CFAP61: variants seen among roughly 807,000 people sequenced by gnomAD.
CFAP61 encodes cilia and flagella associated protein 61.
CFAP61 carries 107 observed loss-of-function variants against 135.6 expected under a neutral mutation model. The ratio of observed to expected loss-of-function variants is 0.79; its 90% CI spans 0.67 to 0.93. The LOEUF (loss-of-function observed/expected upper bound fraction) is 0.93, where lower values mean the gene tolerates loss of function less well. CFAP61 is among the 40% of genes least tolerant of loss of function. CFAP61 has a pLI of 0.00. For synonymous variants in CFAP61, 575 were observed against 578.5 expected, an observed-to-expected ratio of 0.99 and a Z score of 0.09; for missense variants, 1,507 against 1,556.2, an observed-to-expected ratio of 0.97 and a Z score of 0.53.
At chr20:20,200,045 C>A in intron 17 of CFAP61, 143 bp downstream of exon 17, 6 of 968,096 alleles carry the variant, frequency 6.2e-6, no homozygotes, top group Non-Finnish European at 9.1e-6. Flanking sequence ...GGCGGAGCCC[C>A]GCGAAGGCTC....
intron 8 of CFAP61, among the ~76,000 whole-genome samples, chr20:20,102,465 G>A (rs1446361059): frequency 6.6e-6 from 1 of 152,156 alleles, no homozygotes; most frequent in African/African-American, 2.4e-5. Context: ...TAGTAATCTG[G>A]GTGATAACAC....
intron 25 of CFAP61, among the ~76,000 whole-genome samples, chr20:20,331,337 T>C (rs2057983793): frequency 2.0e-5 from 3 of 152,046 alleles, no homozygotes; most frequent in African/African-American, 7.2e-5. Flanking sequence ...TCATGCTTGA[T>C]TTTTGGAAAC....
chr20:20,052,903 G>T (rs2043867816), intron 1 of CFAP61: 1 of 586,222 alleles, frequency 1.7e-6, no homozygotes, highest in South Asian at 2.2e-5. Flanking sequence ...TCTGGTTTCG[G>T]GACAGTTGTG....
At chr20:20,277,534 A>T (rs2053865461) in intron 22 of CFAP61, 76 bp downstream of exon 22, 13 of 1,448,542 alleles carry the variant, frequency 9.0e-6, no homozygotes, top group South Asian at 8.1e-5. Context: ...GGTCTGGAAG[A>T]TTGCGGGCAG....
rs112467055 is a variant in CFAP61 at position 20,359,693 on chromosome 20, A to AACAACC, written c.3514-513_3514-512insCCACAA. Among the ~76,000 whole-genome samples the AACAACC allele has an allele frequency of 0.82, 125,028 of 152,008 alleles. 53,336 individuals carry two copies. The highest frequency in any genetic ancestry group is 0.95 in the Non-Finnish European group (64,397 of 67,970). On this transcript the variant is annotated intron_variant, in intron 26 of 26. Transcript: ENST00000245957. This position sits in a 1 kb window ranked among gnomAD's most constrained non-coding sequence, Gnocchi z 4.0. ...AAGCAAAAAACAAAACAACAACAAC[A>AACAACC]ACAAAACAAGTATGATCTACAGATG...
At chr20:20,306,121 G>A (rs2056459244) in intron 25 of CFAP61, among the ~76,000 whole-genome samples, 1 of 152,170 alleles carries the variant, frequency 6.6e-6, no homozygotes, top group Admixed American at 6.5e-5. Flanking sequence ...CATTTGTGTG[G>A]AAGTAACCTT....
At chr20:20,128,417 G>A (rs1012774239) in intron 8 of CFAP61, among the ~76,000 whole-genome samples, 1 of 151,636 alleles carries the variant, frequency 6.6e-6, no homozygotes, top group African/African-American at 2.4e-5. Context: ...CTCAGCTCCA[G>A]GTAAGGTCAG....
At chr20:20,332,291 C>T (rs1185049593) in intron 25 of CFAP61, among the ~76,000 whole-genome samples, 1 of 152,180 alleles carries the variant, frequency 6.6e-6, no homozygotes, top group East Asian at 1.9e-4. Flanking sequence ...AGTGTCTAAA[C>T]ATTATGCTAT....
intron 9 of CFAP61, among the ~76,000 whole-genome samples, chr20:20,143,356 C>T (rs959858292): frequency 1.3e-5 from 2 of 152,170 alleles, no homozygotes; most frequent in African/African-American, 2.4e-5. Flanking sequence ...GACATGGAAA[C>T]ACTTGCCCCA....
chr20:20,121,031 G>A (rs1159668835), intron 8 of CFAP61, among the ~76,000 whole-genome samples: 1 of 150,146 alleles, frequency 6.7e-6, no homozygotes, highest in Admixed American at 6.6e-5. Context: ...GGTGAAATAG[G>A]TTTCTTGTAG....
Position 20,056,716 on chromosome 20 carries a change from A to C in CFAP61, c.63A>C (p.Ser21=). Residue 21 remains serine (S), a synonymous_variant, in exon 2 of 27, where the codon TCA becomes TCC. Coordinates refer to ENST00000245957, the MANE Select transcript of CFAP61 (RefSeq NM_015585.4). ...VEVVHCRRTE[S]QDVYCIKSLI... is the part of the protein sequence containing the mutation. ...TTGTTCATTGCCGAAGAACAGAATC[A>C]CAGGATGTTTATTGTATCAAAAGCC... 1 of 1,614,120 alleles carries C rather than the reference A, an allele frequency of 6.2e-7. No individual in the cohort carries two copies. The highest frequency in any genetic ancestry group is 1.1e-5 in the South Asian group (1 of 91,084).
intron 17 of CFAP61, among the ~76,000 whole-genome samples, chr20:20,202,347 T>G (rs1471340724): frequency 6.6e-6 from 1 of 152,250 alleles, no homozygotes; most frequent in Non-Finnish European, 1.5e-5. Flanking sequence ...AAGAAGCACT[T>G]TTATTGCTAC....
intron 13 of CFAP61, among the ~76,000 whole-genome samples, chr20:20,187,090 C>T (rs2055556992): frequency 6.6e-6 from 1 of 152,156 alleles, no homozygotes; most frequent in Non-Finnish European, 1.5e-5. Flanking sequence ...GAGTTGCTAG[C>T]CGAACACGCC....
At chr20:20,086,655 T>C (rs1054335723) in intron 6 of CFAP61, among the ~76,000 whole-genome samples, 3 of 152,136 alleles carry the variant, frequency 2.0e-5, no homozygotes. Context: ...TCAGTGTAAA[T>C]GGGACCCTTG....
intron 2 of CFAP61, among the ~76,000 whole-genome samples, chr20:20,066,453 TA>T (rs1352385480): frequency 1.3e-5 from 2 of 152,014 alleles, no homozygotes; most frequent in African/African-American, 4.8e-5. Flanking sequence ...ATAGACTGGA[TA>T]AAGAAAATGT....
At chr20:20,301,772 A>G (rs2056128811) in intron 25 of CFAP61, among the ~76,000 whole-genome samples, 1 of 152,238 alleles carries the variant, frequency 6.6e-6, no homozygotes, top group African/African-American at 2.4e-5. Context: ...TGTTGGTTAT[A>G]TATTTTTAAC....
intron 26 of CFAP61, among the ~76,000 whole-genome samples, chr20:20,345,728 C>G (rs2058604043): frequency 6.6e-6 from 1 of 151,922 alleles, no homozygotes. Flanking sequence ...CGAGACTAGC[C>G]TGGCCAACAT....
At chr20:20,203,712 A>G (rs1162296599) in intron 17 of CFAP61, among the ~76,000 whole-genome samples, 2 of 152,268 alleles carry the variant, frequency 1.3e-5, no homozygotes, top group East Asian at 3.9e-4. Context: ...CCTTACACTT[A>G]TTTTGAGGGT....
At chr20:20,288,544 C>A in intron 22 of CFAP61, 65 bp from the exon 23 acceptor site, 2 of 1,290,686 alleles carry the variant, frequency 1.5e-6, no homozygotes, top group South Asian at 1.3e-5. Flanking sequence ...GGAGACTAGT[C>A]ACACTTTTGG....
Sources: allele counts gnomAD v4.1 joint callset (sites outside exome capture counted in the v4.1 genomes callset), GRCh38; gene constraint gnomAD v4.1.1; non-coding constraint Gnocchi (gnomAD v3.1); transcripts MANE v1.5; gene names NCBI Gene and HGNC (gene_info 2026-07-23, HGNC 2026-07-21).